The following UBASH3B variants were observed in gnomAD, a reference collection of about 807,000 sequenced individuals.
UBASH3B encodes the protein ubiquitin-associated and SH3 domain-containing protein B.
In UBASH3B, 37 loss-of-function variants were observed where a neutral mutation model predicts 83.4. That is an observed-to-expected ratio of 0.44 (90% CI 0.34 to 0.58). The LOEUF (loss-of-function observed/expected upper bound fraction) is 0.58. Among genes scored for constraint, UBASH3B ranks in the 20% least tolerant of loss-of-function variants. The probability of loss-of-function intolerance (pLI) is 0.01; values close to 1 mark genes in which losing one functional copy is unlikely to be tolerated. For synonymous variants in UBASH3B, 304 were observed against 318.3 expected (o/e 0.96, Z 0.48); for missense variants, 657 against 827.2 (o/e 0.79, Z 2.52).
intron 1 of UBASH3B, among the ~76,000 whole-genome samples, chr11:122,698,564 G>A (rs1004743893): frequency 1.3e-5 from 2 of 152,138 alleles, no homozygotes; most frequent in African/African-American, 4.8e-5. Flanking sequence ...AGAGCCTGGG[G>A]CATATGTTTG....
At chr11:122,679,378 A>G (rs964432310) in intron 1 of UBASH3B, among the ~76,000 whole-genome samples, 1 of 152,240 alleles carries the variant, frequency 6.6e-6, no homozygotes, top group Non-Finnish European at 1.5e-5. Flanking sequence ...AAGGATGGTG[A>G]GCAAGTTCAC....
At chr11:122,776,135 T>A in intron 1 of UBASH3B, 84 bp from the exon 2 acceptor site, 1 of 1,264,298 alleles carries the variant, frequency 7.9e-7, no homozygotes, top group East Asian at 2.5e-5. Context: ...GGCTTTGATG[T>A]CGCCTCCTTC....
chr11:122,688,480 C>G (rs911336007), intron 1 of UBASH3B, among the ~76,000 whole-genome samples: 7 of 145,376 alleles, frequency 4.8e-5, no homozygotes, highest in African/African-American at 1.8e-4. Flanking sequence ...GAGTCTGGCT[C>G]TGTTGCCCAG....
At chr11:122,703,393 C>G (rs1864073476) in intron 1 of UBASH3B, among the ~76,000 whole-genome samples, 1 of 151,774 alleles carries the variant, frequency 6.6e-6, no homozygotes, top group Non-Finnish European at 1.5e-5. Context: ...TGCCACTGCA[C>G]TCCAGCCTGG....
rs745457672 is a variant in UBASH3B, at chr11:122,699,503, TTCTTTCTTTCTTTCTCTTTCTTTCTTTC to T, written c.161+43309_161+43336del. On this transcript the variant is annotated intron_variant, in intron 1 of 13. Transcript: ENST00000284273. ...ATGACTGATTTTTCTTTTTAAATCT[TTCTTTCTTTCTTTCTCTTTCTTTCTTTC>T]TCTTTCTTTCTTTCTTTCTTTCTTT... Among the ~76,000 whole-genome samples, 4 of 141,022 alleles carry T rather than the reference TTCTTTCTTTCTTTCTCTTTCTTTCTTTC, an allele frequency of 2.8e-5. 1 individual carries two copies. Among genetic ancestry groups the T allele is most frequent in the Admixed American group, 2.1e-4 (3 of 14,182 alleles). The allele number at this position is 141,022 out of a possible 152,430, so 92.5% of individuals were successfully genotyped here.
At chr11:122,666,265 G>A (rs1863517059) in intron 1 of UBASH3B, among the ~76,000 whole-genome samples, 1 of 152,270 alleles carries the variant, frequency 6.6e-6, no homozygotes, top group Non-Finnish European at 1.5e-5. Context: ...CGCTCCCTAA[G>A]TGTTTATTCC....
At chr11:122,797,764 A>G (rs1171975941) in intron 9 of UBASH3B, among the ~76,000 whole-genome samples, 1 of 152,196 alleles carries the variant, frequency 6.6e-6, no homozygotes, top group Non-Finnish European at 1.5e-5. Flanking sequence ...AGCTGGGCAA[A>G]GAAGGAATAG....
intron 1 of UBASH3B, among the ~76,000 whole-genome samples, chr11:122,715,033 C>G (rs893530464): frequency 1.1e-4 from 16 of 152,102 alleles, no homozygotes; most frequent in African/African-American, 3.9e-4. Context: ...GCAAGCTCCG[C>G]CTCCCGGGTT....
At chr11:122,780,472 G>T (rs548725516) in intron 4 of UBASH3B, among the ~76,000 whole-genome samples, 1 of 152,184 alleles carries the variant, frequency 6.6e-6, no homozygotes, top group African/African-American at 2.4e-5. Flanking sequence ...CAATCTGGTG[G>T]GGGGAGAGCC....
chr11:122,793,059 T>C (rs981356812), intron 6 of UBASH3B, among the ~76,000 whole-genome samples: 3 of 152,150 alleles, frequency 2.0e-5, no homozygotes, highest in Admixed American at 6.5e-5. Flanking sequence ...CTGTATTATA[T>C]TGGTGAATAT....
At chr11:122,802,734 T>G (rs1861279761) in intron 11 of UBASH3B, among the ~76,000 whole-genome samples, 1 of 152,180 alleles carries the variant, frequency 6.6e-6, no homozygotes. Context: ...CAGGATCCCC[T>G]ATGAATACAC....
At chr11:122,673,755 T>A (rs569065963) in intron 1 of UBASH3B, among the ~76,000 whole-genome samples, 1 of 152,368 alleles carries the variant, frequency 6.6e-6, no homozygotes, top group East Asian at 1.9e-4. Flanking sequence ...AGTCCAATCC[T>A]ATCTCCTTGT....
At chr11:122,799,075 C>T (rs760552890) in intron 10 of UBASH3B, 41 bp downstream of exon 10, 1 of 1,526,682 alleles carries the variant, frequency 6.6e-7, no homozygotes, top group Non-Finnish European at 9.1e-7. Context: ...GTCCATCCCT[C>T]TCTTTCTAGG....
At chr11:122,702,255 G>A (rs1401945988) in intron 1 of UBASH3B, among the ~76,000 whole-genome samples, 7 of 152,180 alleles carry the variant, frequency 4.6e-5, no homozygotes, top group African/African-American at 1.7e-4. Context: ...ACATAGTTAC[G>A]TGCAAGGAAA....
At chr11:122,755,746 G>C (rs113861204) in intron 1 of UBASH3B, among the ~76,000 whole-genome samples, 454 of 152,290 alleles carry the variant, frequency 3.0e-3, no homozygotes, top group African/African-American at 0.011. Context: ...CTCAGGCTTT[G>C]TCGACTCAGG....
chr11:122,741,859 A>G (rs1425949193), intron 1 of UBASH3B, among the ~76,000 whole-genome samples: 1 of 152,062 alleles, frequency 6.6e-6, no homozygotes, highest in African/African-American at 2.4e-5. Flanking sequence ...TGACCAAGGA[A>G]ACCAGCCTTG....
chr11:122,762,066 A>C (rs1324107735), intron 1 of UBASH3B, among the ~76,000 whole-genome samples: 1 of 152,000 alleles, frequency 6.6e-6, no homozygotes, highest in East Asian at 1.9e-4. Flanking sequence ...TGTTGGGATT[A>C]CAGGCGTGAG....
chr11:122,813,209 T>G lies in UBASH3B; in HGVS notation c.*3323T>G, dbSNP rs1861479622. 1 of 152,254 alleles carries G rather than the reference T, an allele frequency of 6.6e-6. No individual in the cohort carries two copies. Among genetic ancestry groups the G allele is most frequent in the Non-Finnish European group, 1.5e-5 (1 of 68,050 alleles). 9.4% of individuals were successfully genotyped at this position (152,254 alleles called of 1,614,324 possible). On this transcript the variant is annotated 3_prime_UTR_variant, in exon 14 of 14. Transcript: ENST00000284273. Reference sequence around the variant, plus strand: ...GGAATGCATATAGATTGTCTTGTCATTGTGCTTAACATTACCATAAGTGTG... The same window carrying G: ...GGAATGCATATAGATTGTCTTGTCAGTGTGCTTAACATTACCATAAGTGTG...
intron 1 of UBASH3B, among the ~76,000 whole-genome samples, chr11:122,747,042 C>T (rs566963237): frequency 3.9e-4 from 59 of 152,196 alleles, no homozygotes; most frequent in African/African-American, 1.3e-3. Context: ...TGGAAACTGC[C>T]GAGGCTCCTG....
Sources: gnomAD v4.1 joint callset for allele counts (sites outside exome capture counted in the v4.1 genomes callset) on GRCh38, gnomAD v4.1.1 for gene constraint, MANE v1.5 for transcripts, NCBI Gene and HGNC (gene_info 2026-07-23, HGNC 2026-07-21) for gene names.